CDH18: variants seen among roughly 807,000 people sequenced by gnomAD.
CDH18 encodes cadherin-18.
In CDH18, 31 loss-of-function variants were observed where a neutral mutation model predicts 67.9. The observed-to-expected ratio is 0.46, with a 90% CI of 0.34 to 0.62. The LOEUF (loss-of-function observed/expected upper bound fraction) is 0.62. CDH18 is among the 20% of genes least tolerant of loss of function. CDH18 has a pLI of 0.01. For missense variants in CDH18, 890 were observed against 975.5 expected, an observed-to-expected ratio of 0.91 and a Z score of 1.17; for synonymous variants, 362 against 347.2, an observed-to-expected ratio of 1.04 and a Z score of -0.48.
intron 1 of CDH18, among the ~76,000 whole-genome samples, chr5:20,515,199 TC>T (rs1454623282): frequency 6.6e-6 from 1 of 151,854 alleles, no homozygotes; most frequent in Non-Finnish European, 1.5e-5. Flanking sequence ...GTGAGTGAAT[TC>T]TTCAGTCAAA....
At chr5:20,488,092 T>C (rs528251510) in intron 1 of CDH18, among the ~76,000 whole-genome samples, 171 of 152,302 alleles carry the variant, frequency 1.1e-3, no homozygotes, top group African/African-American at 4.0e-3. Flanking sequence ...ATTTTGCTCC[T>C]GGGAAGATTC....
At chr5:20,224,461 T>C (rs76138758) in intron 2 of CDH18, among the ~76,000 whole-genome samples, 3 of 151,924 alleles carry the variant, frequency 2.0e-5, no homozygotes, top group Admixed American at 1.3e-4. Context: ...TGTTTTTTAA[T>C]GGTTATATGA....
chr5:20,119,307 T>C (rs912780821), intron 2 of CDH18, among the ~76,000 whole-genome samples: 7 of 152,188 alleles, frequency 4.6e-5, no homozygotes, highest in African/African-American at 1.7e-4. Flanking sequence ...AATACCTAGA[T>C]ATCTTCTTTA....
intron 2 of CDH18, among the ~76,000 whole-genome samples, chr5:20,169,283 TAAAAATA>T (rs998660360): frequency 3.4e-4 from 52 of 152,028 alleles, no homozygotes; most frequent in Admixed American, 1.8e-3. Context: ...CCACCAATAT[TAAAAATA>T]AAAAATAAAA....
Position 19,898,546 on chromosome 5 carries a change from T to A in CDH18, c.-256-59304A>T, listed in dbSNP as rs980181579. ...TTACTAATAAAGGGTTAGTTTTTTT[T>A]AAAAAAAGGGTATGTCCATGTAAAG... On this transcript the variant is annotated intron_variant, in intron 2 of 12. Transcript: ENST00000382275. Among the ~76,000 whole-genome samples the A allele has an allele frequency of 3.2e-4, 49 of 151,760 alleles. 1 individual carries two copies. Among genetic ancestry groups the A allele is most frequent in the South Asian group, 1.2e-3 (6 of 4,806 alleles).
chr5:20,329,900 A>G (rs955150443), intron 1 of CDH18, among the ~76,000 whole-genome samples: 3 of 152,010 alleles, frequency 2.0e-5, no homozygotes, highest in African/African-American at 7.2e-5. Flanking sequence ...ATGCCATTGA[A>G]ACCTAATCTA....
chr5:19,986,316 CA>C (rs1799555085), intron 1 of CDH18, among the ~76,000 whole-genome samples: 1 of 152,178 alleles, frequency 6.6e-6, no homozygotes, highest in Non-Finnish European at 1.5e-5. Flanking sequence ...GCACTGGATA[CA>C]GTTACAGCTA....
intron 1 of CDH18, among the ~76,000 whole-genome samples, chr5:20,376,940 C>T (rs563638017): frequency 6.6e-6 from 1 of 151,940 alleles, no homozygotes; most frequent in Admixed American, 6.6e-5. Flanking sequence ...TTGCTTGAAT[C>T]CGGGAGGCAA....
chr5:20,329,641 G>T (rs1188174066), intron 1 of CDH18, among the ~76,000 whole-genome samples: 3 of 151,664 alleles, frequency 2.0e-5, no homozygotes, highest in Non-Finnish European at 1.5e-5. Flanking sequence ...GTGGTGGTGG[G>T]CATCTGTAAT....
chr5:20,164,961 G>A (rs1736176224), intron 2 of CDH18, among the ~76,000 whole-genome samples: 1 of 151,850 alleles, frequency 6.6e-6, no homozygotes, highest in African/African-American at 2.4e-5. Context: ...CCCAGTGAGC[G>A]GATAAAAGAA....
intron 2 of CDH18, among the ~76,000 whole-genome samples, chr5:20,100,421 G>A (rs967336198): frequency 6.6e-6 from 1 of 152,072 alleles, no homozygotes; most frequent in African/African-American, 2.4e-5. Context: ...TGTATTAGAA[G>A]TGATAACTAA....
chr5:19,911,980 C>T (rs1249021544), intron 2 of CDH18, among the ~76,000 whole-genome samples: 2 of 151,964 alleles, frequency 1.3e-5, no homozygotes, highest in Non-Finnish European at 2.9e-5. Context: ...AGATAAGCTG[C>T]TTTTGAGATG....
intron 6 of CDH18, among the ~76,000 whole-genome samples, chr5:19,604,905 A>T (rs1209692652): frequency 6.6e-6 from 1 of 151,810 alleles, no homozygotes; most frequent in Non-Finnish European, 1.5e-5. Flanking sequence ...TCTCACTCTT[A>T]ATCATAAATA....
rs1284323076 is a variant in CDH18 at position 19,653,580 on chromosome 5, T to C, written c.644-40979A>G. Among the ~76,000 whole-genome samples, 5 of 152,254 alleles carry C rather than the reference T, an allele frequency of 3.3e-5. No homozygotes were observed. The East Asian group carries it at 9.7e-4, about 30-fold the overall frequency. ...CCTTACTTAGAACTTCTTGATCATC[T>C]TTTACATCAAAGAAATCTGGCACTT... is the stretch of plus-strand genomic sequence containing the variant. On this transcript the variant is annotated intron_variant, in intron 5 of 12. Coordinates refer to ENST00000382275, the MANE Select transcript of CDH18 (RefSeq NM_004934.5).
chr5:19,638,332 T>C (rs999017220), intron 5 of CDH18, among the ~76,000 whole-genome samples: 7 of 152,144 alleles, frequency 4.6e-5, no homozygotes, highest in Non-Finnish European at 7.4e-5. Context: ...ATCTGCACTT[T>C]CTTAAGGCTT....
intron 1 of CDH18, among the ~76,000 whole-genome samples, chr5:20,287,062 T>C (rs968155983): frequency 6.6e-6 from 1 of 151,838 alleles, no homozygotes; most frequent in Non-Finnish European, 1.5e-5. Context: ...ATTTGGACTC[T>C]TAAGTTTCTT....
intron 12 of CDH18, among the ~76,000 whole-genome samples, chr5:19,473,924 G>A (rs1193374841): frequency 6.6e-6 from 1 of 152,052 alleles, no homozygotes; most frequent in African/African-American, 2.4e-5. Context: ...GATTACCCCA[G>A]GAGACATTGC....
chr5:20,040,987 T>A (rs1216423832), intron 2 of CDH18, among the ~76,000 whole-genome samples: 1 of 152,192 alleles, frequency 6.6e-6, no homozygotes, highest in African/African-American at 2.4e-5. Flanking sequence ...TATATACTGA[T>A]CATCTCATTT....
At chr5:20,219,016 A>C (rs1258351697) in intron 2 of CDH18, among the ~76,000 whole-genome samples, 6 of 152,016 alleles carry the variant, frequency 3.9e-5, no homozygotes, top group Non-Finnish European at 8.8e-5. Flanking sequence ...AATAAGTAAC[A>C]AAAATTAGAG....
Sources: allele counts gnomAD v4.1 joint callset (sites outside exome capture counted in the v4.1 genomes callset), GRCh38; gene constraint gnomAD v4.1.1; transcripts MANE v1.5; gene names NCBI Gene and HGNC (gene_info 2026-07-23, HGNC 2026-07-21).